LMBR1L: variants seen among roughly 807,000 people sequenced by gnomAD.
The protein encoded by LMBR1L is limb development membrane protein 1 like.
In LMBR1L, 47 loss-of-function variants were observed where a neutral mutation model predicts 67.3. The ratio of observed to expected loss-of-function variants is 0.70; its 90% confidence interval spans 0.55 to 0.89. The LOEUF (loss-of-function observed/expected upper bound fraction) is 0.89, where lower values mean the gene tolerates loss of function less well. LMBR1L is among the 40% of genes least tolerant of loss of function. The probability of loss-of-function intolerance (pLI) is 0.00; values close to 1 mark genes in which losing one functional copy is unlikely to be tolerated. For missense variants in LMBR1L, 533 were observed against 599.2 expected (o/e 0.89, Z 1.15); for synonymous variants, 247 against 250.3 (o/e 0.99, Z 0.13).
Position 49,102,148 on chromosome 12 carries a change from A to G in LMBR1L, c.902T>C (p.Leu301Pro), listed in dbSNP as rs971485419. Residue 301 changes from leucine to proline, a missense_variant, in exon 11 of 17, where the codon CTG (leucine) becomes CCG (proline). Transcript: ENST00000267102. ...SAWQRNLGYP[L>P]AMLCLLVLTG... ...CAGCACCAGCAAGCACAGCATAGCC[A>G]GGGGGTAGCCCAGGTTCCGTTGCCA... The G allele has an allele frequency of 1.1e-5, 17 of 1,614,048 alleles. No homozygotes were observed. Among genetic ancestry groups the G allele is most frequent in the Non-Finnish European group, 1.4e-5 (16 of 1,180,030 alleles).
At position 49,105,105 on chromosome 12, in the gene LMBR1L, G is replaced by A. The variant is rs989121663; in HGVS notation, c.192-220C>T. 5.2e-5 allele frequency: 28 copies of A among 537,252 alleles called. No homozygotes were observed. In the South Asian group the frequency reaches 5.4e-4, roughly 10 times the overall value. The allele number at this position is 537,252 out of a possible 1,614,324, so 33.3% of individuals were successfully genotyped here. A position where few individuals can be genotyped will look rare whatever the true frequency, so the allele number is the denominator to read the frequency against. On this transcript the variant is annotated intron_variant, in intron 3 of 16. Transcript: ENST00000267102. ...CAGCTCATGGGATGGGCACAGCCTC[G>A]GGCATTCATGGGAACCTGGTCACCT...
intron 2 of LMBR1L, 97 bp from the exon 3 acceptor site, chr12:49,106,054 C>A: frequency 2.9e-6 from 3 of 1,030,750 alleles, no homozygotes; most frequent in South Asian, 2.9e-5. Context: ...CCATCCCTGC[C>A]CCCTCAAAGA....
chr12:49,108,801 T>C lies in LMBR1L; in HGVS notation c.72+1683A>G, dbSNP rs190397991. On this transcript the variant is annotated intron_variant, in intron 1 of 16. Coordinates refer to ENST00000267102, the MANE Select transcript of LMBR1L (RefSeq NM_018113.4). ...AGAAGAGAAGTTATTGTGTTTGAGA[T>C]AGGCCAAGAATACAAGATCAGTCTC... 1.3e-3 allele frequency among the ~76,000 whole-genome samples: 199 copies of C among 152,172 alleles called. 1 individual carries two copies. Among genetic ancestry groups the C allele is most frequent in the African/African-American group, 4.6e-3 (191 of 41,516 alleles).
chr12:49,105,134 A>T, intron 3 of LMBR1L: 1 of 501,744 alleles, frequency 2.0e-6, no homozygotes, highest in Admixed American at 3.2e-5. Context: ...GTCACCTGCC[A>T]TGTCACATAC....
At chr12:49,108,591 G>C (rs1009251985) in intron 1 of LMBR1L, among the ~76,000 whole-genome samples, 9 of 147,174 alleles carry the variant, frequency 6.1e-5, no homozygotes, top group Non-Finnish European at 1.0e-4. Flanking sequence ...AAAAAAGGCC[G>C]TGTGTGGTGG....
chr12:49,102,846 A>T (rs767289451), intron 8 of LMBR1L, 41 bp downstream of exon 8: 9 of 1,560,330 alleles, frequency 5.8e-6, no homozygotes, highest in Non-Finnish European at 8.0e-6. Context: ...CTCTGCAGGA[A>T]GCTCACCCTG....
chr12:49,110,147 T>C, intron 1 of LMBR1L: 3 of 517,506 alleles, frequency 5.8e-6, no homozygotes, highest in Non-Finnish European at 1.1e-5. Flanking sequence ...AACCCATCCT[T>C]CCCCGATTAT....
intron 5 of LMBR1L, 132 bp from the exon 6 acceptor site, chr12:49,103,945 T>C (rs903158804): frequency 2.1e-6 from 2 of 971,132 alleles, no homozygotes; most frequent in Non-Finnish European, 1.5e-6. Flanking sequence ...CCTCTTATTC[T>C]GCTAAGTTGC....
At chr12:49,097,827 A>G (rs1939585729) in intron 16 of LMBR1L, 88 bp from the exon 17 acceptor site, 10 of 1,597,956 alleles carry the variant, frequency 6.3e-6, no homozygotes, top group Non-Finnish European at 6.0e-6. Flanking sequence ...TGTGTGGATG[A>G]GGTACGTTAC....
At chr12:49,105,289 G>C (rs1940752266) in intron 3 of LMBR1L, 1 of 224,728 alleles carries the variant, frequency 4.4e-6, no homozygotes, top group African/African-American at 2.2e-5. Context: ...GATAAGCACA[G>C]GGTCATCCCA....
rs1940537099 is a variant in LMBR1L at position 49,103,813 on chromosome 12, C to T, written c.436G>A (p.Gly146Ser). 1 of 1,608,044 alleles carries T rather than the reference C, an allele frequency of 6.2e-7. No homozygotes were observed. Among genetic ancestry groups the T allele is most frequent in the Non-Finnish European group, 8.5e-7 (1 of 1,177,628 alleles). Residue 146 changes from glycine (G) to serine (S), a missense_variant and splice_region_variant, in exon 6 of 17, where the codon GGT becomes AGT. By Grantham distance (56) the Gly-to-Ser change is moderately conservative. This residue lies in a region of LMBR1L where 246 missense variants were observed against 249.0 expected (regional missense o/e 0.99). Coordinates refer to ENST00000267102, the MANE Select transcript of LMBR1L (RefSeq NM_018113.4). ...ESEGFAGSRK[G>S]VLGRVYETVV... ...GTCTCATAGACCCGGCCCAGGACACCCTACGGGAGGAGGCAACCAGTGAAG... is the reference window on the plus strand; with the variant it reads ...GTCTCATAGACCCGGCCCAGGACACTCTACGGGAGGAGGCAACCAGTGAAG...
intron 1 of LMBR1L, among the ~76,000 whole-genome samples, chr12:49,107,750 C>T (rs1244793846): frequency 2.0e-5 from 3 of 152,200 alleles, no homozygotes; most frequent in Non-Finnish European, 4.4e-5. Flanking sequence ...CCAGGTTAAT[C>T]TGCATATTCA....
chr12:49,106,478 G>C, intron 2 of LMBR1L: 1 of 879,936 alleles, frequency 1.1e-6, no homozygotes. Context: ...ATTACACAAT[G>C]TCTAGGGAAG....
intron 13 of LMBR1L, 165 bp from the exon 14 acceptor site, chr12:49,100,811 T>A: frequency 1.6e-6 from 1 of 630,102 alleles, no homozygotes; most frequent in Non-Finnish European, 2.8e-6. Context: ...CACTGCAACC[T>A]TGACCTTCTG....
At chr12:49,110,432 C>G (rs1350062146) in intron 1 of LMBR1L, 52 bp downstream of exon 1, 2 of 1,570,034 alleles carry the variant, frequency 1.3e-6, no homozygotes, top group Non-Finnish European at 1.8e-6. Context: ...CGGACCCCAA[C>G]CTCCCCGTCT....
At chr12:49,102,845 A>G (rs1443472129) in intron 8 of LMBR1L, 42 bp downstream of exon 8, 3 of 1,556,986 alleles carry the variant, frequency 1.9e-6, no homozygotes, top group African/African-American at 2.7e-5. Context: ...GCTCTGCAGG[A>G]AGCTCACCCT....
chr12:49,104,019 C>A (rs552762568), intron 5 of LMBR1L: 10 of 558,072 alleles, frequency 1.8e-5, no homozygotes, highest in Non-Finnish European at 3.1e-5. Flanking sequence ...TTTGCATCTC[C>A]TTTCCCCAGA....
rs1441048551 is a variant in LMBR1L at position 49,104,513 on chromosome 12, G to A, written c.370C>T (p.Leu124Phe). 2 of 1,613,972 alleles carry A rather than the reference G, an allele frequency of 1.2e-6. No individual in the cohort carries two copies. Among genetic ancestry groups the A allele is most frequent in the Middle Eastern group, 1.6e-4 (1 of 6,084 alleles). Residue 124 changes from leucine to phenylalanine, a missense_variant, in exon 5 of 17, where the codon CTC (leucine) becomes TTC (phenylalanine). Physicochemically the swap from Leu to Phe is conservative, Grantham distance 22. Transcript: ENST00000267102. ...NLVFLFSNLSLIFLMPFAYFF... is the reference protein window; with the variant it reads ...NLVFLFSNLSFIFLMPFAYFF... ...TATGCAAAGGGCATGAGGAAGATGAGGGACAGGTTGGAGAAGAGAAAAACA... is the reference window on the plus strand; with the variant it reads ...TATGCAAAGGGCATGAGGAAGATGAAGGACAGGTTGGAGAAGAGAAAAACA...
intron 1 of LMBR1L, chr12:49,109,674 C>T (rs1941312610): frequency 4.4e-6 from 2 of 456,382 alleles, no homozygotes; most frequent in South Asian, 3.1e-5. Context: ...GGTGAAAATT[C>T]AAAGCAAGGC....
Sources: gnomAD v4.1 joint callset for allele counts (sites outside exome capture counted in the v4.1 genomes callset) on GRCh38, gnomAD v4.1.1 for gene constraint, gnomAD v4.1.1 regional missense constraint, MANE v1.5 for transcripts, NCBI Gene and HGNC (gene_info 2026-07-23, HGNC 2026-07-21) for gene names.